Variants in FRMD3 observed in about 807,000 individuals in gnomAD.
The protein encoded by FRMD3 is FERM domain-containing protein 3.
A neutral mutation model predicts 70.2 loss-of-function variants in FRMD3; 33 were observed. The observed-to-expected ratio is 0.47, with a 90% CI of 0.36 to 0.63. The LOEUF is 0.63. FRMD3 is among the 20% of genes least tolerant of loss of function. The probability of loss-of-function intolerance (pLI) is 0.00; values close to 1 mark genes in which losing one functional copy is unlikely to be tolerated. For synonymous variants in FRMD3, 279 were observed against 255.9 expected, an observed-to-expected ratio of 1.09 and a Z score of -0.86; for missense variants, 632 against 711.4, an observed-to-expected ratio of 0.89 and a Z score of 1.27.
chr9:83,434,919 T>G (rs1827091226), intron 1 of FRMD3, among the ~76,000 whole-genome samples: 1 of 144,978 alleles, frequency 6.9e-6, no homozygotes, highest in African/African-American at 2.5e-5. Context: ...CTCTGCCTCC[T>G]GGGTTCAAGT....
intron 10 of FRMD3, 119 bp downstream of exon 10, chr9:83,309,417 T>G: frequency 1.6e-6 from 1 of 631,850 alleles, no homozygotes; most frequent in Non-Finnish European, 2.7e-6. Flanking sequence ...AATTTTAATT[T>G]ACTTAAATAT....
intron 1 of FRMD3, among the ~76,000 whole-genome samples, chr9:83,465,025 GAA>G (rs147660924): frequency 1.7e-5 from 2 of 119,538 alleles, no homozygotes; most frequent in African/African-American, 7.6e-5. Context: ...GTCTCAAAAA[GAA>G]AAAAAAAAAA....
chr9:83,576,914 T>C, the FRMD3 span, among the ~76,000 whole-genome samples: 8 of 152,220 alleles, frequency 5.3e-5, no homozygotes, highest in African/African-American at 1.9e-4. Flanking sequence ...CAGCTTAATA[T>C]ACAAAATATG....
At position 83,315,625 on chromosome 9, in the gene FRMD3, C is replaced by T. The variant is rs936329398; in HGVS notation, c.597-1878G>A. Among the ~76,000 whole-genome samples, 10 of 152,290 alleles carry T rather than the reference C, an allele frequency of 6.6e-5. No homozygotes were observed. The South Asian group carries it at 1.0e-3, about 16-fold the overall frequency. ...CCTCCTTCCTCTTTGCCTTCCACCA[C>T]GTTTGTAAGTTTCCTGAGGACTCTC... On this transcript the variant is annotated intron_variant, in intron 6 of 13. Transcript: ENST00000304195.
At chr9:83,567,566 A>G in the FRMD3 span, among the ~76,000 whole-genome samples, 13 of 152,274 alleles carry the variant, frequency 8.5e-5, no homozygotes, top group African/African-American at 2.9e-4. Context: ...CTCTTTTAAA[A>G]TGGTATGCTT....
In FRMD3 at chr9:83,245,711, T is replaced by C. The variant is rs1832060608; in HGVS notation, c.*2207A>G. On this transcript the variant is annotated 3_prime_UTR_variant, in exon 14 of 14. Coordinates refer to ENST00000304195, the MANE Select transcript of FRMD3 (RefSeq NM_174938.6). ...CTGAGGGCCAGATGATTTGTCATAG[T>C]CAGAACTTTAGAGAAAATTATATGA... 1 of 982,824 alleles carries C rather than the reference T, an allele frequency of 1.0e-6. No homozygotes were observed. Among genetic ancestry groups the C allele is most frequent in the Non-Finnish European group, 1.2e-6 (1 of 827,616 alleles). 60.9% of individuals were successfully genotyped at this position (982,824 alleles called of 1,614,324 possible).
In FRMD3 at chr9:83,248,397, G is replaced by C. The variant is rs757139817; in HGVS notation, c.1315C>G (p.Pro439Ala). 1 of 1,614,000 alleles carries C rather than the reference G, an allele frequency of 6.2e-7. No individual in the cohort carries two copies. Residue 439 changes from proline to alanine, a missense_variant, in exon 14 of 14, where the codon CCT becomes GCT. By Grantham distance (27) the Pro-to-Ala change is conservative. Coordinates refer to ENST00000304195, the MANE Select transcript of FRMD3 (RefSeq NM_174938.6). ...TACACTAGTTCAGAGATGGTTAAAG[G>C]TTCTTCTTTTATTTTATCTTCCTCT... is the stretch of plus-strand genomic sequence containing the variant. ...SEEEDKIKEEPLTISELVYNP... is the reference protein window; with the variant it reads ...SEEEDKIKEEALTISELVYNP...
intron 1 of FRMD3, among the ~76,000 whole-genome samples, chr9:83,474,442 A>G (rs973429547): frequency 2.6e-5 from 4 of 152,174 alleles, no homozygotes; most frequent in Non-Finnish European, 5.9e-5. Context: ...AAAAGTTATG[A>G]AAAATCAAAG....
chr9:83,425,633 C>T (rs889174135), intron 1 of FRMD3, among the ~76,000 whole-genome samples: 3 of 152,130 alleles, frequency 2.0e-5, no homozygotes, highest in Non-Finnish European at 1.5e-5. Context: ...GGGCCGGGCG[C>T]AGTGGCTCAC....
intron 1 of FRMD3, among the ~76,000 whole-genome samples, chr9:83,520,736 G>A (rs993322107): frequency 2.0e-5 from 3 of 152,034 alleles, no homozygotes; most frequent in Non-Finnish European, 4.4e-5. Flanking sequence ...AATACTGTTC[G>A]ATACTTATTT....
At chr9:83,378,814 A>AT (rs1564048012) in intron 2 of FRMD3, among the ~76,000 whole-genome samples, 16 of 119,390 alleles carry the variant, frequency 1.3e-4, no homozygotes, top group African/African-American at 7.0e-4. Context: ...TATACTATAT[A>AT]TAAATTTTAT....
At chr9:83,401,020 G>A (rs1825937239) in intron 1 of FRMD3, among the ~76,000 whole-genome samples, 1 of 152,178 alleles carries the variant, frequency 6.6e-6, no homozygotes, top group African/African-American at 2.4e-5. Flanking sequence ...ATCAGGAGAT[G>A]CTAGCATCAC....
chr9:83,401,922 T>C lies in FRMD3; in HGVS notation c.148-12214A>G, dbSNP rs192494646. Among the ~76,000 whole-genome samples the C allele has an allele frequency of 1.8e-3, 277 of 152,230 alleles. No individual in the cohort carries two copies. The Middle Eastern group carries it at 0.02, about 11-fold the overall frequency. Reference sequence around the variant, plus strand: ...ACTAGGGCTCAGTCCAACACTGGGTTTAATTAGCATAGCAAGCTGGATTGG... The same window carrying C: ...ACTAGGGCTCAGTCCAACACTGGGTCTAATTAGCATAGCAAGCTGGATTGG... On this transcript the variant is annotated intron_variant, in intron 1 of 13. Transcript: ENST00000304195.
At chr9:83,384,044 C>G (rs1825438185) in intron 2 of FRMD3, among the ~76,000 whole-genome samples, 1 of 152,196 alleles carries the variant, frequency 6.6e-6, no homozygotes, top group Non-Finnish European at 1.5e-5. Flanking sequence ...ATTCCATTTT[C>G]AAGTTATCAC....
At chr9:83,316,303 T>C (rs1835574750) in intron 6 of FRMD3, among the ~76,000 whole-genome samples, 1 of 151,754 alleles carries the variant, frequency 6.6e-6, no homozygotes, top group Non-Finnish European at 1.5e-5. Context: ...GGATTACTGG[T>C]GCCCGCCACC....
intron 7 of FRMD3, 91 bp downstream of exon 7, chr9:83,313,569 T>G: frequency 9.8e-7 from 1 of 1,022,088 alleles, no homozygotes. Context: ...GTGGGAAAGA[T>G]TTAACAAGGC....
At chr9:83,479,398 AGGAG>A (rs578180131) in intron 1 of FRMD3, among the ~76,000 whole-genome samples, 1 of 108,006 alleles carries the variant, frequency 9.3e-6, no homozygotes, top group Admixed American at 1.3e-4. Flanking sequence ...AAAGGAAGAA[AGGAG>A]GGAGGGAGGG....
At chr9:83,528,558 G>A (rs1293968916) in intron 1 of FRMD3, among the ~76,000 whole-genome samples, 1 of 151,702 alleles carries the variant, frequency 6.6e-6, no homozygotes, top group Non-Finnish European at 1.5e-5. Flanking sequence ...TTGAGACAGG[G>A]CCTCACTGTC....
At chr9:83,429,932 C>T (rs185051801) in intron 1 of FRMD3, among the ~76,000 whole-genome samples, 1 of 152,148 alleles carries the variant, frequency 6.6e-6, no homozygotes. Context: ...CCCAAGCCAA[C>T]CCCAGATCAC....
Sources: allele counts gnomAD v4.1 joint callset (sites outside exome capture counted in the v4.1 genomes callset), GRCh38; gene constraint gnomAD v4.1.1; transcripts MANE v1.5; gene names NCBI Gene and HGNC (gene_info 2026-07-23, HGNC 2026-07-21).